SCAPER: variants seen among roughly 807,000 people sequenced by gnomAD.
The protein encoded by SCAPER is S phase cyclin A-associated protein in the endoplasmic reticulum.
A neutral mutation model predicts 182.2 loss-of-function variants in SCAPER; 98 were observed. That is an observed-to-expected ratio of 0.54 (90% confidence interval 0.46 to 0.64). The LOEUF (loss-of-function observed/expected upper bound fraction) is 0.64, where lower values mean the gene tolerates loss of function less well. Ranked by LOEUF, SCAPER falls within the 30% of genes least tolerant of loss-of-function variation. SCAPER has a pLI of 0.00. For missense variants in SCAPER, 1,432 were observed against 1,690.0 expected, an observed-to-expected ratio of 0.85 and a Z score of 2.68; for synonymous variants, 605 against 564.6, an observed-to-expected ratio of 1.07 and a Z score of -1.01.
chr15:76,549,022 G>C (rs1485982747), intron 23 of SCAPER, among the ~76,000 whole-genome samples: 1 of 152,072 alleles, frequency 6.6e-6, no homozygotes, highest in Admixed American at 6.6e-5. Context: ...TACAGAATGG[G>C]AGAAAATTTT....
At chr15:76,450,970 GA>G (rs768052356) in intron 25 of SCAPER, among the ~76,000 whole-genome samples, 75 of 152,316 alleles carry the variant, frequency 4.9e-4, no homozygotes, top group Middle Eastern at 3.4e-3. Context: ...TCAAGATACA[GA>G]ACACTTTGAT....
intron 22 of SCAPER, among the ~76,000 whole-genome samples, chr15:76,597,915 C>G (rs2049627398): frequency 8.3e-6 from 1 of 120,756 alleles, no homozygotes; most frequent in Non-Finnish European, 2.0e-5. Flanking sequence ...ACTAAAATAT[C>G]AAAAGCTATG....
chr15:76,670,965 T>C (rs906925920), intron 20 of SCAPER, among the ~76,000 whole-genome samples: 1 of 152,202 alleles, frequency 6.6e-6, no homozygotes, highest in African/African-American at 2.4e-5. Context: ...ATGGAAAGCA[T>C]GTAAAAAGAA....
At chr15:76,370,680 GCTT>G (rs2042106942) in intron 29 of SCAPER, among the ~76,000 whole-genome samples, 4 of 152,088 alleles carry the variant, frequency 2.6e-5, no homozygotes, top group South Asian at 4.1e-4. Context: ...GAACCAATTT[GCTT>G]CTTTGTAGAG....
chr15:76,500,717 TTA>T (rs1465859018), intron 24 of SCAPER, among the ~76,000 whole-genome samples: 3 of 152,140 alleles, frequency 2.0e-5, no homozygotes, highest in African/African-American at 7.2e-5. Context: ...ACCACTATTA[TTA>T]GTCTAAAGTT....
At chr15:76,430,869 G>A (rs2046814974) in intron 26 of SCAPER, among the ~76,000 whole-genome samples, 1 of 152,178 alleles carries the variant, frequency 6.6e-6, no homozygotes, top group Admixed American at 6.5e-5. Flanking sequence ...AATGTGGTTT[G>A]GCTGCATCCC....
Position 76,381,589 on chromosome 15 carries a change from C to T in SCAPER, c.3494G>A (p.Arg1165His), listed in dbSNP as rs370374662. ...AGCTGTCAGCCCTGTGGGATCCTGG[C>T]GATTATTGTCAAATATGCTGTATGA... ...GRSYSIFDNN[R>H]QDPTGLTAAL... The change falls in exon 28 of 32, where the codon CGC becomes CAC. Residue 1165 changes from arginine (R) to histidine (H), a missense_variant. By Grantham distance (29) the Arg-to-His change is conservative. Around this residue, in one of 5 missense-constraint regions of SCAPER, gnomAD observed 718 missense variants for 799.7 expected, o/e 0.90. Transcript: ENST00000563290. The T allele has an allele frequency of 1.2e-5, 19 of 1,600,064 alleles. No homozygotes were observed. Among genetic ancestry groups the T allele is most frequent in the Middle Eastern group, 1.6e-4 (1 of 6,070 alleles).
chr15:76,535,155 G>A (rs570037937), intron 23 of SCAPER, among the ~76,000 whole-genome samples: 2 of 152,196 alleles, frequency 1.3e-5, no homozygotes, highest in South Asian at 4.1e-4. Flanking sequence ...TATGATTACA[G>A]ACTGATAATT....
At chr15:76,391,623 A>C (rs554022018) in intron 27 of SCAPER, among the ~76,000 whole-genome samples, 1 of 152,338 alleles carries the variant, frequency 6.6e-6, no homozygotes, top group East Asian at 1.9e-4. Flanking sequence ...TTATGTATAG[A>C]ATAGGCCCAG....
At chr15:76,501,420 A>G (rs1219477149) in intron 24 of SCAPER, among the ~76,000 whole-genome samples, 1 of 152,128 alleles carries the variant, frequency 6.6e-6, no homozygotes, top group Non-Finnish European at 1.5e-5. Flanking sequence ...GACAAACAAG[A>G]CATGCAACTA....
At chr15:76,863,484 C>A (rs1410152876) in intron 2 of SCAPER, among the ~76,000 whole-genome samples, 1 of 151,986 alleles carries the variant, frequency 6.6e-6, no homozygotes, top group Non-Finnish European at 1.5e-5. Flanking sequence ...TTTAACGAGG[C>A]AATTACTATG....
chr15:76,372,217 C>T (rs2042231872), intron 29 of SCAPER, among the ~76,000 whole-genome samples: 1 of 152,208 alleles, frequency 6.6e-6, no homozygotes, highest in Admixed American at 6.5e-5. Context: ...TCTTCCTCAG[C>T]ATGAGCTTAC....
In SCAPER at chr15:76,665,638, G is replaced by A; in HGVS notation, c.2645+15C>T. ...CTAAAAGTTTTTCTTTTGCTTTTAAGGGTATTTAAGGTACCTGAAGTTCAT... is the reference window on the plus strand; with the variant it reads ...CTAAAAGTTTTTCTTTTGCTTTTAAAGGTATTTAAGGTACCTGAAGTTCAT... On this transcript the variant is annotated intron_variant, in intron 21 of 31. Transcript: ENST00000563290. The A allele has an allele frequency of 6.4e-7, 1 of 1,568,710 alleles. No homozygotes were observed. The highest frequency in any genetic ancestry group is 8.6e-7 in the Non-Finnish European group (1 of 1,164,786).
chr15:76,486,528 A>G (rs929317986), intron 24 of SCAPER, among the ~76,000 whole-genome samples: 1 of 152,042 alleles, frequency 6.6e-6, no homozygotes, highest in Non-Finnish European at 1.5e-5. Context: ...AAAAAACCCC[A>G]TTAAAAAGTA....
intron 31 of SCAPER, 84 bp from the exon 32 acceptor site, chr15:76,348,820 T>C: frequency 1.2e-6 from 1 of 809,742 alleles, no homozygotes; most frequent in Non-Finnish European, 1.9e-6. Context: ...TATTTTGATA[T>C]CTGAGTATAA....
At chr15:76,404,715 A>T (rs898264439) in intron 26 of SCAPER, 36 bp from the exon 27 acceptor site, 12 of 1,590,270 alleles carry the variant, frequency 7.5e-6, no homozygotes, top group African/African-American at 1.3e-5. Flanking sequence ...TATCAATCTG[A>T]ATAGGCCAGC....
At chr15:76,416,317 G>GA (rs61396507) in intron 26 of SCAPER, among the ~76,000 whole-genome samples, 22,184 of 144,158 alleles carry the variant, frequency 0.15, 2,499 homozygotes, top group African/African-American at 0.32. Flanking sequence ...TCTACTAAAA[G>GA]AAAAAAAAAA....
At chr15:76,763,775 A>G (rs962086021) in intron 14 of SCAPER, among the ~76,000 whole-genome samples, 5 of 151,988 alleles carry the variant, frequency 3.3e-5, no homozygotes, top group Non-Finnish European at 5.9e-5. Context: ...TAGTTTCTTC[A>G]GTGTATTCTT....
chr15:76,370,032 T>C (rs2042044074), intron 29 of SCAPER, among the ~76,000 whole-genome samples: 1 of 152,148 alleles, frequency 6.6e-6, no homozygotes, highest in African/African-American at 2.4e-5. Flanking sequence ...TTTTTAATGA[T>C]AAGTTGCCAC....
Sources: gnomAD v4.1 joint callset for allele counts (sites outside exome capture counted in the v4.1 genomes callset) on GRCh38, gnomAD v4.1.1 for gene constraint, gnomAD v4.1.1 regional missense constraint, MANE v1.5 for transcripts, NCBI Gene and HGNC (gene_info 2026-07-23, HGNC 2026-07-21) for gene names.